CHD9NB: variants seen among roughly 807,000 people sequenced by gnomAD.
CHD9NB encodes CHD9 neighbor, also known as CHD9 neighbor protein.
At chr16:53,040,827 T>G in the CHD9NB span, among the ~76,000 whole-genome samples, 1 of 152,182 alleles carries the variant, frequency 6.6e-6, no homozygotes, top group African/African-American at 2.4e-5. Context: ...AAGAGCTGAA[T>G]GTATGAATAA....
chr16:53,039,740 CAA>C, the CHD9NB span, among the ~76,000 whole-genome samples: 277 of 145,164 alleles, frequency 1.9e-3, no homozygotes, highest in African/African-American at 3.5e-3. Context: ...GATTCCATCT[CAA>C]AAAAAAAAAA....
the CHD9NB span, among the ~76,000 whole-genome samples, chr16:53,049,646 A>T: frequency 1.3e-5 from 2 of 152,158 alleles, no homozygotes; most frequent in African/African-American, 4.8e-5. Flanking sequence ...CTGGACCTAG[A>T]AGGATGCGCA....
chr16:53,041,763 GA>G, the CHD9NB span, among the ~76,000 whole-genome samples: 1 of 150,496 alleles, frequency 6.6e-6, no homozygotes, highest in African/African-American at 2.5e-5. Flanking sequence ...GGAGGAGGGA[GA>G]AAAACAGAGT....
chr16:53,040,765 A>C, the CHD9NB span, among the ~76,000 whole-genome samples: 1 of 152,238 alleles, frequency 6.6e-6, no homozygotes, highest in South Asian at 2.1e-4. Flanking sequence ...GAATGAATCA[A>C]TTGGTTAAAA....
the CHD9NB span, among the ~76,000 whole-genome samples, chr16:53,039,369 G>T: frequency 5.9e-5 from 9 of 152,148 alleles, no homozygotes; most frequent in Admixed American, 3.3e-4. Context: ...CTTCTCAGTG[G>T]TTAAGAGTTT....
At chr16:53,038,880 A>G in the CHD9NB span, among the ~76,000 whole-genome samples, 3 of 152,236 alleles carry the variant, frequency 2.0e-5, no homozygotes. Context: ...TATGTATTGC[A>G]TTTGGAACAA....
At chr16:53,049,954 A>C in the CHD9NB span, among the ~76,000 whole-genome samples, 3 of 152,204 alleles carry the variant, frequency 2.0e-5, no homozygotes, top group Non-Finnish European at 2.9e-5. Flanking sequence ...CTGTAATCCC[A>C]GCACTTTCGG....
At chr16:53,046,446 G>A in the CHD9NB span, among the ~76,000 whole-genome samples, 1 of 151,946 alleles carries the variant, frequency 6.6e-6, no homozygotes, top group Non-Finnish European at 1.5e-5. Context: ...GGAGGCCGAG[G>A]CGGGTGGATC....
chr16:53,046,968 C>G, the CHD9NB span, among the ~76,000 whole-genome samples: 1 of 152,142 alleles, frequency 6.6e-6, no homozygotes, highest in Non-Finnish European at 1.5e-5. Flanking sequence ...GCTGGCTCAG[C>G]TCAGGGTACA....
the CHD9NB span, among the ~76,000 whole-genome samples, chr16:53,047,052 A>T: frequency 3.3e-5 from 5 of 152,198 alleles, no homozygotes; most frequent in Non-Finnish European, 4.4e-5. Context: ...CCAAAGATGG[A>T]TGGGACCTCA....
chr16:53,046,731 A>G, the CHD9NB span, among the ~76,000 whole-genome samples: 1 of 152,090 alleles, frequency 6.6e-6, no homozygotes, highest in East Asian at 1.9e-4. Context: ...GCCTGTGACC[A>G]CCTCTCCCAG....
the CHD9NB span, chr16:53,043,304 G>A: frequency 6.6e-6 from 1 of 152,130 alleles, no homozygotes; most frequent in Non-Finnish European, 1.5e-5. Flanking sequence ...GTTAGCAGAG[G>A]GACCTTTCTT....
the CHD9NB span, among the ~76,000 whole-genome samples, chr16:53,047,625 G>T: frequency 6.6e-6 from 1 of 152,096 alleles, no homozygotes; most frequent in Non-Finnish European, 1.5e-5. Flanking sequence ...TCCTTACGAC[G>T]TCATTTAACC....
At chr16:53,036,588 G>A in the CHD9NB span, among the ~76,000 whole-genome samples, 1 of 152,138 alleles carries the variant, frequency 6.6e-6, no homozygotes, top group Admixed American at 6.5e-5. Flanking sequence ...GACCCAGAGG[G>A]CACTGAAGTG....
At chr16:53,051,768 A>AATATATAT in the CHD9NB span, among the ~76,000 whole-genome samples, 1,184 of 103,944 alleles carry the variant, frequency 0.011, 30 homozygotes, top group African/African-American at 0.017. Context: ...TAAAAGTATA[A>AATATATAT]ATATATATAT....
the CHD9NB span, among the ~76,000 whole-genome samples, chr16:53,049,363 C>T: frequency 7.3e-6 from 1 of 137,826 alleles, no homozygotes; most frequent in Non-Finnish European, 1.5e-5. Flanking sequence ...TGTGTGTAAA[C>T]AGGGGTCTCA....
chr16:53,040,476 T>C, the CHD9NB span, among the ~76,000 whole-genome samples: 1 of 152,216 alleles, frequency 6.6e-6, no homozygotes, highest in Non-Finnish European at 1.5e-5. Flanking sequence ...GCAGTTCTTG[T>C]ATCCAACTCC....
the CHD9NB span, among the ~76,000 whole-genome samples, chr16:53,038,472 C>T: frequency 2.6e-4 from 33 of 127,536 alleles, no homozygotes; most frequent in African/African-American, 9.6e-4. Context: ...CTCAGCCTCC[C>T]GAGTAGTAGC....
At chr16:53,038,020 G>T in the CHD9NB span, among the ~76,000 whole-genome samples, 1 of 152,208 alleles carries the variant, frequency 6.6e-6, no homozygotes, top group Non-Finnish European at 1.5e-5. Flanking sequence ...AGCCAGTGGT[G>T]TAATTCAGTC....
Sources: allele counts gnomAD v4.1 joint callset (sites outside exome capture counted in the v4.1 genomes callset), GRCh38; gene constraint gnomAD v4.1.1; transcripts MANE v1.5; gene names NCBI Gene and HGNC (gene_info 2026-07-23, HGNC 2026-07-21).